The following OR1F1 variants were observed in gnomAD, a reference collection of about 807,000 sequenced individuals.
The protein encoded by OR1F1 is olfactory receptor family 1 subfamily F member 1, also known as olfactory receptor 1F1.
For synonymous variants in OR1F1, 184 were observed against 156.7 expected (o/e 1.17, Z -1.30); for missense variants, 493 against 376.3 (o/e 1.31, Z -2.57).
At chr16:3,191,401 C>T in the OR1F1 span, 1 of 152,172 alleles carries the variant, frequency 6.6e-6, no homozygotes, top group East Asian at 1.9e-4. Context: ...AGGGGACCCC[C>T]AGTGTGCCCT....
chr16:3,204,773 ACTT>A (rs781083203), exon 1 of OR1F1: 60 of 1,613,768 alleles, frequency 3.7e-5, no homozygotes, highest in East Asian at 1.3e-4. Flanking sequence ...GCCATCACTC[ACTT>A]CTTCTGCGAT....
At chr16:3,193,191 G>T in the OR1F1 span, among the ~76,000 whole-genome samples, 1 of 152,186 alleles carries the variant, frequency 6.6e-6, no homozygotes, top group South Asian at 2.1e-4. Flanking sequence ...CTCCCAAAGT[G>T]CTGAGATTAC....
At chr16:3,204,336 C>A in exon 1 of OR1F1, 1 of 1,614,130 alleles carries the variant, frequency 6.2e-7, no homozygotes, top group Non-Finnish European at 8.5e-7. Flanking sequence ...TCTTTGTGTT[C>A]TTCCTCAGCA....
chr16:3,192,081 G>A, the OR1F1 span, among the ~76,000 whole-genome samples: 2 of 152,192 alleles, frequency 1.3e-5, no homozygotes, highest in South Asian at 2.1e-4. Context: ...TTTTGAGACA[G>A]AGTCTCGCTC....
At chr16:3,205,905 A>G (rs993134956), downstream of OR1F1, among the ~76,000 whole-genome samples, 2 of 152,244 alleles carry the variant, frequency 1.3e-5, no homozygotes, top group African/African-American at 4.8e-5. Context: ...GCACCTTGAA[A>G]AAGAACAGAA....
chr16:3,204,697 G>A (rs766840820), exon 1 of OR1F1: 2 of 1,614,012 alleles, frequency 1.2e-6, no homozygotes, highest in African/African-American at 2.7e-5. Context: ...ATTATGGGTG[G>A]TTGCCAACCT....
At chr16:3,205,717 A>G (rs960306015), downstream of OR1F1, among the ~76,000 whole-genome samples, 2 of 152,158 alleles carry the variant, frequency 1.3e-5, no homozygotes, top group African/African-American at 4.8e-5. Flanking sequence ...TTTCACGGAC[A>G]TTTATCAGTT....
At chr16:3,205,927 T>G (rs1596326105), downstream of OR1F1, among the ~76,000 whole-genome samples, 2 of 152,308 alleles carry the variant, frequency 1.3e-5, no homozygotes, top group East Asian at 3.9e-4. Flanking sequence ...AACAGTGATT[T>G]TAGGGAACAA....
the OR1F1 span, among the ~76,000 whole-genome samples, chr16:3,193,013 T>C: frequency 1.3e-5 from 2 of 152,332 alleles, no homozygotes; most frequent in South Asian, 2.1e-4. Flanking sequence ...CTCGGCTCAC[T>C]GCAGCCTCCG....
the OR1F1 span, among the ~76,000 whole-genome samples, chr16:3,195,088 G>C: frequency 7.2e-5 from 11 of 152,202 alleles, no homozygotes; most frequent in African/African-American, 2.7e-4. Context: ...TGCCAGCCGT[G>C]CTCCGGGAAG....
the OR1F1 span, among the ~76,000 whole-genome samples, chr16:3,192,799 CCG>C: frequency 0.044 from 6,656 of 152,108 alleles, 482 homozygotes; most frequent in African/African-American, 0.15. Context: ...GGGGTGCGGC[CCG>C]GGAGGCTGCT....
chr16:3,204,821 C>T (rs912929231), exon 1 of OR1F1: 1 of 1,614,056 alleles, frequency 6.2e-7, no homozygotes, highest in African/African-American at 1.3e-5. Flanking sequence ...TGCTCAGACA[C>T]ACACCTCAAT....
the OR1F1 span, chr16:3,189,680 C>T: frequency 1.3e-5 from 2 of 151,812 alleles, no homozygotes; most frequent in African/African-American, 4.8e-5. Flanking sequence ...TGCGAGAGGT[C>T]CCGGGTTCAA....
chr16:3,192,011 A>C, the OR1F1 span, among the ~76,000 whole-genome samples: 13 of 152,194 alleles, frequency 8.5e-5, no homozygotes, highest in East Asian at 2.5e-3. Context: ...TAGGGGTATG[A>C]TTCTCGCTTA....
chr16:3,204,927 G>A (rs746096962), exon 1 of OR1F1: 2 of 1,614,138 alleles, frequency 1.2e-6, no homozygotes, highest in South Asian at 2.2e-5. Flanking sequence ...CTGTCCTGAA[G>A]GTCCCATCCA....
the OR1F1 span, among the ~76,000 whole-genome samples, chr16:3,195,420 G>A: frequency 6.6e-6 from 1 of 152,176 alleles, no homozygotes; most frequent in Non-Finnish European, 1.5e-5. Context: ...AAGGAAACAG[G>A]GCCCGGCGCG....
upstream of OR1F1, among the ~76,000 whole-genome samples, chr16:3,202,394 G>C (rs896144474): frequency 2.0e-5 from 3 of 152,052 alleles, no homozygotes; most frequent in Non-Finnish European, 4.4e-5. Flanking sequence ...AAGACACCTT[G>C]GATTTTGTAA....
the OR1F1 span, chr16:3,189,774 C>A: frequency 2.6e-5 from 4 of 152,072 alleles, no homozygotes; most frequent in Non-Finnish European, 5.9e-5. Flanking sequence ...CAGACCTCAG[C>A]GCAGGACGTG....
At chr16:3,194,152 C>T in the OR1F1 span, among the ~76,000 whole-genome samples, 1 of 152,228 alleles carries the variant, frequency 6.6e-6, no homozygotes, top group Non-Finnish European at 1.5e-5. Context: ...TCTCCTCTCT[C>T]TCTAGGATGA....
Sources: allele counts gnomAD v4.1 joint callset (sites outside exome capture counted in the v4.1 genomes callset), GRCh38; gene constraint gnomAD v4.1.1; transcripts MANE v1.5; gene names NCBI Gene and HGNC (gene_info 2026-07-23, HGNC 2026-07-21).